The following CIMIP6 variants were observed in gnomAD, a reference collection of about 807,000 sequenced individuals.
The protein encoded by CIMIP6 is ciliary microtubule inner protein 6.
chr2:54,362,862 A>G, the CIMIP6 span, among the ~76,000 whole-genome samples: 1 of 152,096 alleles, frequency 6.6e-6, no homozygotes, highest in Non-Finnish European at 1.5e-5. Flanking sequence ...TATCTTTCTC[A>G]TGGTACTTCG....
chr2:54,347,910 A>G, the CIMIP6 span, among the ~76,000 whole-genome samples: 1 of 152,152 alleles, frequency 6.6e-6, no homozygotes, highest in Non-Finnish European at 1.5e-5. Context: ...AGTTTTCTGC[A>G]GTTTACTTGA....
chr2:54,334,857 G>GA, the CIMIP6 span: 4 of 1,551,586 alleles, frequency 2.6e-6, no homozygotes, highest in Admixed American at 2.0e-5. Context: ...ATATGTAAGT[G>GA]AAAATGAAGA....
the CIMIP6 span, among the ~76,000 whole-genome samples, chr2:54,338,357 C>CAGTAAATTTTTTATTAGTCTTTCCCT: frequency 1.2e-4 from 2 of 16,750 alleles, no homozygotes; most frequent in Non-Finnish European, 2.2e-4. Context: ...ATGGCTTGAG[C>CAGTAAATTTTTTATTAGTCTTTCCCT]TCAGGAGTTC....
At chr2:54,375,110 C>T in the CIMIP6 span, among the ~76,000 whole-genome samples, 1 of 152,098 alleles carries the variant, frequency 6.6e-6, no homozygotes, top group African/African-American at 2.4e-5. Flanking sequence ...AGACCCCAAA[C>T]CCAGAAGCTG....
At chr2:54,370,254 C>CA in the CIMIP6 span, among the ~76,000 whole-genome samples, 5 of 150,472 alleles carry the variant, frequency 3.3e-5, no homozygotes, top group South Asian at 2.1e-4. Flanking sequence ...GACTCTGTCT[C>CA]AAAAAAAGAG....
chr2:54,342,435 T>C, the CIMIP6 span, among the ~76,000 whole-genome samples: 257 of 152,308 alleles, frequency 1.7e-3, 2 homozygotes, highest in African/African-American at 5.8e-3. Flanking sequence ...TTGTATAAAT[T>C]ATCAATTTGT....
the CIMIP6 span, among the ~76,000 whole-genome samples, chr2:54,383,919 A>G: frequency 6.6e-6 from 1 of 152,286 alleles, no homozygotes; most frequent in South Asian, 2.1e-4. Flanking sequence ...TCTCTGTTGC[A>G]CACTCTCTTG....
At chr2:54,336,650 G>C in the CIMIP6 span, among the ~76,000 whole-genome samples, 2 of 152,146 alleles carry the variant, frequency 1.3e-5, no homozygotes, top group Non-Finnish European at 2.9e-5. Flanking sequence ...TTTTAGTAAG[G>C]GAATAGATCA....
chr2:54,382,064 G>A, the CIMIP6 span: 2 of 1,400,842 alleles, frequency 1.4e-6, no homozygotes, highest in Non-Finnish European at 9.3e-7. Flanking sequence ...CTAAGTGGCT[G>A]AAGAGAACTT....
At chr2:54,367,092 CTTCATCAT>C in the CIMIP6 span, among the ~76,000 whole-genome samples, 1 of 152,034 alleles carries the variant, frequency 6.6e-6, no homozygotes, top group African/African-American at 2.4e-5. Flanking sequence ...AATCACTGTG[CTTCATCAT>C]TTCCATGACT....
At chr2:54,354,544 CT>C in the CIMIP6 span, among the ~76,000 whole-genome samples, 89 of 152,044 alleles carry the variant, frequency 5.9e-4, 1 homozygote, top group Non-Finnish European at 8.4e-4. Context: ...CTTGTGAATG[CT>C]TTTTTAATTT....
the CIMIP6 span, among the ~76,000 whole-genome samples, chr2:54,341,180 C>A: frequency 6.6e-6 from 1 of 152,132 alleles, no homozygotes; most frequent in East Asian, 1.9e-4. Flanking sequence ...GAATGTTTGT[C>A]CCCTCCAAAC....
chr2:54,335,631 T>G, the CIMIP6 span, among the ~76,000 whole-genome samples: 68 of 152,222 alleles, frequency 4.5e-4, no homozygotes, highest in Non-Finnish European at 7.1e-4. Flanking sequence ...TCCATTATCT[T>G]TTTTACAAAG....
chr2:54,360,240 G>A, the CIMIP6 span: 1 of 1,605,982 alleles, frequency 6.2e-7, no homozygotes, highest in Non-Finnish European at 8.5e-7. Context: ...ATAAAACCAG[G>A]CAGTAGGCCA....
the CIMIP6 span, chr2:54,335,059 T>G: frequency 6.7e-7 from 1 of 1,500,204 alleles, no homozygotes; most frequent in Non-Finnish European, 9.0e-7. Context: ...AAATAGAGAT[T>G]TAGATTCAGA....
At chr2:54,362,891 A>T in the CIMIP6 span, among the ~76,000 whole-genome samples, 1 of 152,190 alleles carries the variant, frequency 6.6e-6, no homozygotes, top group Admixed American at 6.6e-5. Context: ...TAATGCAAGA[A>T]TTCCGTGACA....
chr2:54,372,997 C>T, the CIMIP6 span, among the ~76,000 whole-genome samples: 6 of 152,248 alleles, frequency 3.9e-5, 1 homozygote, highest in South Asian at 1.0e-3. Context: ...CCCACTGCCC[C>T]GCCTTCCATA....
At chr2:54,373,466 G>A in the CIMIP6 span, among the ~76,000 whole-genome samples, 1 of 152,008 alleles carries the variant, frequency 6.6e-6, no homozygotes, top group African/African-American at 2.4e-5. Flanking sequence ...ATCCTTCCCT[G>A]GTTTGTGTGT....
At chr2:54,382,680 C>G in the CIMIP6 span, among the ~76,000 whole-genome samples, 1 of 152,156 alleles carries the variant, frequency 6.6e-6, no homozygotes, top group Non-Finnish European at 1.5e-5. Context: ...TGTTTTCTAC[C>G]CCATATTCCA....
Sources: gnomAD v4.1 joint callset for allele counts (sites outside exome capture counted in the v4.1 genomes callset) on GRCh38, gnomAD v4.1.1 for gene constraint, MANE v1.5 for transcripts, NCBI Gene and HGNC (gene_info 2026-07-23, HGNC 2026-07-21) for gene names.